Variants in TMCO5A observed in about 807,000 individuals in gnomAD.
The protein encoded by TMCO5A is transmembrane and coiled-coil domain-containing protein 5A.
Under a neutral mutation model 42.3 loss-of-function variants are expected in TMCO5A, and 34 were observed. The observed-to-expected ratio is 0.80, with a 90% CI of 0.61 to 1.07. The LOEUF (loss-of-function observed/expected upper bound fraction) is 1.07, where lower values mean the gene tolerates loss of function less well. Among genes scored for constraint, TMCO5A ranks in the 50% least tolerant of loss-of-function variants. The pLI, the probability that TMCO5A is intolerant of heterozygous loss-of-function variation, is 0.00. For missense variants in TMCO5A, 357 were observed against 327.9 expected (o/e 1.09, Z -0.69); for synonymous variants, 131 against 115.6 (o/e 1.13, Z -0.86).
chr15:38,019,106 A>G, the TMCO5A span, among the ~76,000 whole-genome samples: 1 of 152,186 alleles, frequency 6.6e-6, no homozygotes, highest in African/African-American at 2.4e-5. Context: ...AAAATGAAAA[A>G]TAAATCATAG....
intron 11 of TMCO5A, among the ~76,000 whole-genome samples, chr15:37,949,517 T>C (rs978688338): frequency 6.6e-6 from 1 of 151,942 alleles, no homozygotes; most frequent in Non-Finnish European, 1.5e-5. Flanking sequence ...CCTAGTGGAA[T>C]GGAAGAAAGA....
chr15:37,941,072 G>T, intron 6 of TMCO5A, 77 bp from the exon 7 acceptor site: 2 of 1,434,544 alleles, frequency 1.4e-6, no homozygotes, highest in Non-Finnish European at 2.0e-6. Flanking sequence ...CAGCTCGTGA[G>T]GCCACCTTGG....
intron 10 of TMCO5A, among the ~76,000 whole-genome samples, chr15:37,946,849 T>C (rs1889982039): frequency 1.3e-5 from 2 of 152,180 alleles, no homozygotes; most frequent in Admixed American, 6.6e-5. Context: ...TTTATTTCTT[T>C]CTCTTTACTG....
chr15:38,009,783 G>T, the TMCO5A span, among the ~76,000 whole-genome samples: 15 of 152,270 alleles, frequency 9.9e-5, no homozygotes, highest in Admixed American at 7.2e-4. Context: ...CTCCATTTCT[G>T]TATATATAAA....
At chr15:37,954,482 T>C (rs935224109), downstream of TMCO5A, among the ~76,000 whole-genome samples, 5 of 151,992 alleles carry the variant, frequency 3.3e-5, no homozygotes, top group Non-Finnish European at 7.4e-5. Context: ...GAAGGAGAAA[T>C]ACAGGCTTTC....
chr15:37,951,851 G>A (rs149844323), downstream of TMCO5A, among the ~76,000 whole-genome samples: 21 of 152,168 alleles, frequency 1.4e-4, no homozygotes, highest in East Asian at 2.3e-3. Context: ...GCTGAGACAC[G>A]GAAGAGATAG....
chr15:38,021,450 A>G, the TMCO5A span, among the ~76,000 whole-genome samples: 2 of 117,038 alleles, frequency 1.7e-5, no homozygotes, highest in Non-Finnish European at 3.5e-5. Flanking sequence ...TATCACATGC[A>G]TAGAAGGGTG....
chr15:37,937,385 C>G lies in TMCO5A; in HGVS notation c.304C>G (p.Leu102Val). Residue 102 changes from leucine to valine, a missense_variant, in exon 5 of 12, where the codon CTT becomes GTT. Physicochemically the swap from Leu to Val is conservative, Grantham distance 32. Transcript: ENST00000319669. ...NKTLVHSITE[L>V]QQKLTRKSQK... ...GACGTTGGTCCACAGTATAACAGAA[C>G]TTCAACAAAAGGTGAGGTAGGGTAC... 6.2e-7 allele frequency: 1 copy of G among 1,613,074 alleles called. No homozygotes were observed. The highest frequency in any genetic ancestry group is 8.5e-7 in the Non-Finnish European group (1 of 1,179,344).
At chr15:37,959,962 T>A (rs575212760) in intron 11 of TMCO5A, among the ~76,000 whole-genome samples, 1 of 152,100 alleles carries the variant, frequency 6.6e-6, no homozygotes, top group Non-Finnish European at 1.5e-5. Flanking sequence ...TTAGAACTGA[T>A]GAACAAATTC....
the TMCO5A span, among the ~76,000 whole-genome samples, chr15:38,026,103 G>T: frequency 6.6e-6 from 1 of 152,150 alleles, no homozygotes; most frequent in Admixed American, 6.5e-5. Flanking sequence ...GTGGGGTATT[G>T]CTGAAAAGAT....
At chr15:37,941,107 C>A (rs1889723151) in intron 6 of TMCO5A, 42 bp from the exon 7 acceptor site, 1 of 1,604,040 alleles carries the variant, frequency 6.2e-7, no homozygotes, top group Non-Finnish European at 8.5e-7. Context: ...TCCTGCACAG[C>A]TTTTACCTTG....
At chr15:37,962,013 A>G (rs987579454) in intron 11 of TMCO5A, among the ~76,000 whole-genome samples, 5 of 152,046 alleles carry the variant, frequency 3.3e-5, no homozygotes, top group African/African-American at 9.7e-5. Context: ...CTCTTTACCT[A>G]TTTGGGTGCC....
At chr15:37,942,441 C>T (rs1452509741) in intron 9 of TMCO5A, 186 bp downstream of exon 9, 1 of 564,832 alleles carries the variant, frequency 1.8e-6, no homozygotes, top group Non-Finnish European at 3.2e-6. Flanking sequence ...TCCAGTCATT[C>T]TCCCATCCTT....
the TMCO5A span, among the ~76,000 whole-genome samples, chr15:37,995,833 T>C: frequency 2.0e-5 from 3 of 150,646 alleles, no homozygotes; most frequent in African/African-American, 4.9e-5. Context: ...TGGACTGTTA[T>C]GCAATCCCCT....
At chr15:38,017,300 T>C in the TMCO5A span, among the ~76,000 whole-genome samples, 3 of 151,870 alleles carry the variant, frequency 2.0e-5, no homozygotes, top group Admixed American at 6.6e-5. Flanking sequence ...GAGGAGTGCA[T>C]AGTTTGGTTT....
the TMCO5A span, among the ~76,000 whole-genome samples, chr15:37,975,601 C>T: frequency 6.6e-6 from 1 of 151,160 alleles, no homozygotes; most frequent in African/African-American, 2.5e-5. Flanking sequence ...GATTTTTCTC[C>T]ATCCCTTTAC....
chr15:37,970,215 T>TA (rs1284003016), downstream of TMCO5A, among the ~76,000 whole-genome samples: 3 of 152,216 alleles, frequency 2.0e-5, no homozygotes, highest in Non-Finnish European at 4.4e-5. Flanking sequence ...TTATTGGACT[T>TA]ACAGTTCTGC....
the TMCO5A span, among the ~76,000 whole-genome samples, chr15:38,017,581 C>T: frequency 2.6e-5 from 4 of 152,270 alleles, no homozygotes; most frequent in South Asian, 8.3e-4. Flanking sequence ...GCATTGTCTT[C>T]ATCATAAGAA....
the TMCO5A span, among the ~76,000 whole-genome samples, chr15:38,004,357 G>C: frequency 2.6e-5 from 4 of 151,994 alleles, no homozygotes; most frequent in African/African-American, 9.7e-5. Context: ...GTGCTGCCTG[G>C]GGTTGGAGGA....
Sources: allele counts gnomAD v4.1 joint callset (sites outside exome capture counted in the v4.1 genomes callset), GRCh38; gene constraint gnomAD v4.1.1; transcripts MANE v1.5; gene names NCBI Gene and HGNC (gene_info 2026-07-23, HGNC 2026-07-21).